Variants in ZFAND3 observed in about 807,000 individuals in gnomAD.
ZFAND3 encodes the protein zinc finger AN1-type containing 3.
ZFAND3 carries 10 observed loss-of-function variants against 29.6 expected under a neutral mutation model. The observed-to-expected ratio is 0.34, with a 90% confidence interval of 0.21 to 0.57. The LOEUF (loss-of-function observed/expected upper bound fraction) is 0.57. Among genes scored for constraint, ZFAND3 ranks in the 20% least tolerant of loss-of-function variants. ZFAND3 has a pLI of 0.86. For missense variants in ZFAND3, 230 were observed against 304.5 expected (o/e 0.76, Z 1.82); for synonymous variants, 128 against 112.6 (o/e 1.14, Z -0.87).
intron 1 of ZFAND3, among the ~76,000 whole-genome samples, chr6:37,929,278 A>G (rs1389479796): frequency 6.6e-6 from 1 of 152,216 alleles, no homozygotes; most frequent in Non-Finnish European, 1.5e-5. Context: ...TTAAAAGCAA[A>G]ACAATATGGT....
intron 2 of ZFAND3, among the ~76,000 whole-genome samples, chr6:38,021,986 C>T (rs570299771): frequency 1.3e-5 from 2 of 152,266 alleles, no homozygotes; most frequent in South Asian, 4.1e-4. Context: ...TTAGCACAAA[C>T]CTAATCTTGT....
Position 38,152,622 on chromosome 6 carries a change from A to G in ZFAND3, c.*233A>G. 8.2e-7 allele frequency: 1 copy of G among 1,225,926 alleles called. No homozygotes were observed. Among genetic ancestry groups the G allele is most frequent in the East Asian group, 3.3e-5 (1 of 30,272 alleles). The allele number at this position is 1,225,926 out of a possible 1,614,324, so 75.9% of individuals were successfully genotyped here. ...GCCATTGTATAAAATTAAAACATGAAGAATATTTTTTTTTTGAGCATGGCT... is the reference window on the plus strand; with the variant it reads ...GCCATTGTATAAAATTAAAACATGAGGAATATTTTTTTTTTGAGCATGGCT... On this transcript the variant is annotated 3_prime_UTR_variant, in exon 6 of 6. Coordinates refer to ENST00000287218, the MANE Select transcript of ZFAND3 (RefSeq NM_021943.3).
At chr6:37,972,535 T>C (rs1762407544) in intron 2 of ZFAND3, among the ~76,000 whole-genome samples, 1 of 152,110 alleles carries the variant, frequency 6.6e-6, no homozygotes, top group South Asian at 2.1e-4. Context: ...CTGTAAAGAG[T>C]TAGGACTTAC....
intron 1 of ZFAND3, among the ~76,000 whole-genome samples, chr6:37,890,714 C>T (rs771948381): frequency 6.6e-6 from 1 of 152,148 alleles, no homozygotes; most frequent in Non-Finnish European, 1.5e-5. Flanking sequence ...AACCAGATTG[C>T]TTTATCAGTT....
chr6:38,015,532 A>G (rs1763238288), intron 2 of ZFAND3, among the ~76,000 whole-genome samples: 1 of 152,252 alleles, frequency 6.6e-6, no homozygotes, highest in African/African-American at 2.4e-5. Context: ...TGGAAAACTT[A>G]GAAACAAGCC....
At chr6:38,070,072 G>A (rs777276307) in intron 3 of ZFAND3, among the ~76,000 whole-genome samples, 11 of 152,016 alleles carry the variant, frequency 7.2e-5, no homozygotes, top group African/African-American at 1.9e-4. Context: ...AGAAATAACC[G>A]CTGTTTATTC....
chr6:37,926,297 A>C (rs888014959), intron 1 of ZFAND3, among the ~76,000 whole-genome samples: 3 of 152,214 alleles, frequency 2.0e-5, no homozygotes, highest in Admixed American at 1.3e-4. Context: ...ATTTTCTCAA[A>C]GTTCTGGAGA....
intron 4 of ZFAND3, among the ~76,000 whole-genome samples, chr6:38,084,986 TGA>T (rs960769938): frequency 2.6e-5 from 4 of 152,200 alleles, no homozygotes; most frequent in Admixed American, 1.3e-4. Flanking sequence ...TTCCTGATTT[TGA>T]GAGGTAAATT....
intron 1 of ZFAND3, among the ~76,000 whole-genome samples, chr6:37,865,221 C>G (rs1027227675): frequency 1.3e-5 from 2 of 152,108 alleles, no homozygotes; most frequent in African/African-American, 2.4e-5. Flanking sequence ...CATAAACTTG[C>G]GTACATCATC....
intron 1 of ZFAND3, among the ~76,000 whole-genome samples, chr6:37,912,692 G>C (rs1261072191): frequency 1.3e-5 from 2 of 152,144 alleles, no homozygotes; most frequent in Non-Finnish European, 2.9e-5. Context: ...ACTGTACTTA[G>C]TATTTCACAG....
intron 1 of ZFAND3, among the ~76,000 whole-genome samples, chr6:37,857,009 T>G (rs1764396357): frequency 6.6e-6 from 1 of 151,990 alleles, no homozygotes; most frequent in Admixed American, 6.6e-5. Flanking sequence ...AGTGCCGTGA[T>G]CAAAGCTCAC....
At chr6:37,967,307 G>T (rs1762310538) in intron 2 of ZFAND3, among the ~76,000 whole-genome samples, 1 of 151,992 alleles carries the variant, frequency 6.6e-6, no homozygotes, top group African/African-American at 2.4e-5. Context: ...CCTAGATTTG[G>T]CCTGTAAGAG....
At chr6:37,928,198 G>A (rs917625374) in intron 1 of ZFAND3, among the ~76,000 whole-genome samples, 38 of 152,278 alleles carry the variant, frequency 2.5e-4, no homozygotes, top group African/African-American at 9.1e-4. Context: ...GACAATTGCT[G>A]TTAGGTCTTT....
Position 37,819,873 on chromosome 6 carries a change from C to T in ZFAND3, c.-73C>T. 4.5e-6 allele frequency: 5 copies of T among 1,109,958 alleles called. No homozygotes were observed. The highest frequency in any genetic ancestry group is 4.3e-5 in the East Asian group (1 of 23,432). 68.8% of individuals were successfully genotyped at this position (1,109,958 alleles called of 1,614,324 possible). A position where few individuals can be genotyped will look rare whatever the true frequency, so the allele number is the denominator to read the frequency against. On this transcript the variant is annotated 5_prime_UTR_variant, in exon 1 of 6. Transcript: ENST00000287218. Reference sequence around the variant, plus strand: ...GAGCCCCCCGACGCCGCCGCCACCGCCTCCTCAGAGCGGGGCCCGGGCCCA... The same window carrying T: ...GAGCCCCCCGACGCCGCCGCCACCGTCTCCTCAGAGCGGGGCCCGGGCCCA...
chr6:38,147,336 C>T (rs1766131221), intron 5 of ZFAND3, among the ~76,000 whole-genome samples: 1 of 152,224 alleles, frequency 6.6e-6, no homozygotes, highest in African/African-American at 2.4e-5. Flanking sequence ...TTCTTTTTGA[C>T]TGAAGAGTAT....
chr6:37,870,019 A>G (rs1403519027), intron 1 of ZFAND3, among the ~76,000 whole-genome samples: 1 of 152,156 alleles, frequency 6.6e-6, no homozygotes, highest in East Asian at 1.9e-4. Flanking sequence ...TTAAAGCTAT[A>G]CATTTTTCTC....
intron 1 of ZFAND3, among the ~76,000 whole-genome samples, chr6:37,835,437 G>GT (rs2127370504): frequency 6.6e-6 from 1 of 150,444 alleles, no homozygotes; most frequent in Admixed American, 6.6e-5. Context: ...GATTACAGGC[G>GT]TGAGCCACCA....
In ZFAND3 at chr6:38,152,476, T is replaced by A. The variant is rs1766248962; in HGVS notation, c.*87T>A. On this transcript the variant is annotated 3_prime_UTR_variant, in exon 6 of 6. Transcript: ENST00000287218. ...ACAAAGTCAGCCAGACACCTTGTACTGGGCACGCGTCAGACTGCAGCCAGT... is the reference window on the plus strand; with the variant it reads ...ACAAAGTCAGCCAGACACCTTGTACAGGGCACGCGTCAGACTGCAGCCAGT... The A allele has an allele frequency of 7.0e-7, 1 of 1,435,760 alleles. No homozygotes were observed. The highest frequency in any genetic ancestry group is 2.6e-5 in the East Asian group (1 of 39,098). The allele number at this position is 1,435,760 out of a possible 1,614,324, so 88.9% of individuals were successfully genotyped here.
chr6:37,977,782 T>TTG (rs1762507158), intron 2 of ZFAND3, among the ~76,000 whole-genome samples: 1 of 146,514 alleles, frequency 6.8e-6, no homozygotes, highest in African/African-American at 2.5e-5. Context: ...TTTTTGTTTT[T>TTG]TTTTTTTTTC....
Sources: allele counts gnomAD v4.1 joint callset (sites outside exome capture counted in the v4.1 genomes callset), GRCh38; gene constraint gnomAD v4.1.1; transcripts MANE v1.5; gene names NCBI Gene and HGNC (gene_info 2026-07-23, HGNC 2026-07-21).